BIRC6: variants seen among roughly 807,000 people sequenced by gnomAD.
The protein encoded by BIRC6 is baculoviral IAP repeat containing 6.
A neutral mutation model predicts 503.3 loss-of-function variants in BIRC6; 98 were observed. That is an observed-to-expected ratio of 0.19 (90% CI 0.17 to 0.23). The LOEUF (loss-of-function observed/expected upper bound fraction) is 0.23, where lower values mean the gene tolerates loss of function less well. Among genes scored for constraint, BIRC6 ranks in the 10% least tolerant of loss-of-function variants. BIRC6 has a pLI of 1.00. For synonymous variants in BIRC6, 2,240 were observed against 2,078.7 expected, an observed-to-expected ratio of 1.08 and a Z score of -2.11; for missense variants, 5,360 against 5,806.0, an observed-to-expected ratio of 0.92 and a Z score of 2.50.
In BIRC6 at chr2:32,436,069, A is replaced by G; in HGVS notation, c.3516A>G (p.Pro1172=). The G allele has an allele frequency of 7.0e-7, 1 of 1,430,734 alleles. No homozygotes were observed. Among genetic ancestry groups the G allele is most frequent in the Non-Finnish European group, 9.3e-7 (1 of 1,075,674 alleles). The allele number at this position is 1,430,734 out of a possible 1,614,324, so 88.6% of individuals were successfully genotyped here. The part of the protein sequence containing the change: ...VEESQCLRLC[P]FLEDHKEDIL... ...TCTTTTTAGGTCTTAGATTATGTCC[A>G]TTTTTGGAGGATCATAAAGAAGACA... Residue 1172 remains proline (P), a synonymous_variant, in exon 15 of 74, where the codon CCA becomes CCG. Transcript: ENST00000421745.
At chr2:32,474,724 G>T (rs899235435) in intron 33 of BIRC6, among the ~76,000 whole-genome samples, 2 of 152,100 alleles carry the variant, frequency 1.3e-5, no homozygotes, top group Admixed American at 6.5e-5. Context: ...AATTAAAAAT[G>T]ATTTTTTTCT....
chr2:32,572,273 T>C (rs1230972401), intron 65 of BIRC6, among the ~76,000 whole-genome samples: 1 of 152,236 alleles, frequency 6.6e-6, no homozygotes, highest in East Asian at 1.9e-4. Context: ...ATGTTTTCTT[T>C]GTTAATTTTC....
At chr2:32,375,678 G>C (rs1039066992) in intron 1 of BIRC6, among the ~76,000 whole-genome samples, 1 of 151,846 alleles carries the variant, frequency 6.6e-6, no homozygotes, top group Admixed American at 6.6e-5. Flanking sequence ...TTTGTAAACA[G>C]ATGACATACA....
intron 71 of BIRC6, among the ~76,000 whole-genome samples, chr2:32,604,156 C>G (rs1242535268): frequency 1.3e-5 from 2 of 152,222 alleles, no homozygotes; most frequent in Non-Finnish European, 2.9e-5. Flanking sequence ...TCCTGTAACA[C>G]AAGTAGATCT....
chr2:32,415,629 C>T lies in BIRC6; in HGVS notation c.2338C>T (p.Arg780Trp), dbSNP rs775266879. ...ATTAAACTCTGCACTATGTAATAGA[C>T]GGAAAGGTGAGCTGGAATCAAATCT... ...NKLNSALCNR[R>W]KGELESNLAV... Residue 780 changes from arginine (R) to tryptophan (W), a missense_variant, in exon 10 of 74, where the codon CGG becomes TGG. By Grantham distance (101) the Arg-to-Trp change is moderately radical (BLOSUM62 -3). Coordinates refer to ENST00000421745, the MANE Select transcript of BIRC6 (RefSeq NM_016252.4). 45 of 1,613,864 alleles carry T rather than the reference C, an allele frequency of 2.8e-5. No individual in the cohort carries two copies. The highest frequency in any genetic ancestry group is 1.5e-4 in the Admixed American group (9 of 60,008).
At chr2:32,575,480 C>T in intron 66 of BIRC6, 114 bp downstream of exon 66, 1 of 967,816 alleles carries the variant, frequency 1.0e-6, no homozygotes, top group East Asian at 2.5e-5. Context: ...CATATACACC[C>T]TCGGCTGGGT....
chr2:32,582,584 C>A (rs967068236), intron 66 of BIRC6, among the ~76,000 whole-genome samples: 1 of 152,014 alleles, frequency 6.6e-6, no homozygotes, highest in Non-Finnish European at 1.5e-5. Context: ...GTCAACATGG[C>A]GAAACCCGTC....
At chr2:32,525,380 C>A in intron 58 of BIRC6, 84 bp from the exon 59 acceptor site, 2 of 1,428,128 alleles carry the variant, frequency 1.4e-6, no homozygotes, top group Non-Finnish European at 2.0e-6. Flanking sequence ...GGAATGCATG[C>A]CTTATTAAAA....
At chr2:32,417,135 C>T (rs898912324) in intron 10 of BIRC6, among the ~76,000 whole-genome samples, 3 of 151,996 alleles carry the variant, frequency 2.0e-5, no homozygotes, top group African/African-American at 7.3e-5. Flanking sequence ...CCATGCCAGG[C>T]CTTTTCTTTT....
At chr2:32,454,664 A>G (rs3769598) in intron 23 of BIRC6, among the ~76,000 whole-genome samples, 17,329 of 152,232 alleles carry the variant, frequency 0.11, 1,091 homozygotes, top group Middle Eastern at 0.19. Flanking sequence ...ATTGGGTACC[A>G]TCTTAGTCTC....
In BIRC6 at chr2:32,510,879, C is replaced by A. The variant is rs150789504; in HGVS notation, c.10346+245C>A. 7.4e-3 allele frequency among the ~76,000 whole-genome samples: 1,119 copies of A among 152,178 alleles called. 7 individuals are homozygous for A. The highest frequency in any genetic ancestry group is 0.02 in the Middle Eastern group (6 of 294). On this transcript the variant is annotated intron_variant, in intron 53 of 73. Coordinates refer to ENST00000421745, the MANE Select transcript of BIRC6 (RefSeq NM_016252.4). ...TAAATAGAATTCTTTGTTAATACTG[C>A]TTTTGAGGAATGGAATAAAACATAT...
chr2:32,555,229 G>A (rs1351017188), intron 65 of BIRC6, among the ~76,000 whole-genome samples: 1 of 152,074 alleles, frequency 6.6e-6, no homozygotes, highest in East Asian at 1.9e-4. Flanking sequence ...TAAAGAGTCT[G>A]GGAGCTGTGG....
chr2:32,368,148 C>T (rs978521348), intron 1 of BIRC6, among the ~76,000 whole-genome samples: 2 of 151,976 alleles, frequency 1.3e-5, no homozygotes, highest in Non-Finnish European at 2.9e-5. Context: ...AGTATTCTGA[C>T]TTAAGTGGCC....
At chr2:32,565,157 C>T (rs1007844270) in intron 65 of BIRC6, 3 of 152,164 alleles carry the variant, frequency 2.0e-5, no homozygotes, top group Non-Finnish European at 4.4e-5. Flanking sequence ...ATTGAGTTCT[C>T]ATAAACCAAG....
chr2:32,464,759 C>T lies in BIRC6; in HGVS notation c.5192C>T (p.Ser1731Leu), dbSNP rs1319853732. 6.2e-7 allele frequency: 1 copy of T among 1,613,910 alleles called. No homozygotes were observed. The highest frequency in any genetic ancestry group is 1.7e-5 in the Admixed American group (1 of 60,010). Residue 1731 changes from serine (S) to leucine (L), a missense_variant, in exon 25 of 74, where the codon TCA becomes TTA. Coordinates refer to ENST00000421745, the MANE Select transcript of BIRC6 (RefSeq NM_016252.4). The part of the protein sequence containing the change: ...NAELAQLFPG[S>L]VIDPPAVNLA... ...GAACTTGCACAGCTTTTCCCAGGCT[C>T]AGTCATTGATCCCCCAGCAGTCAAT...
intron 66 of BIRC6, among the ~76,000 whole-genome samples, chr2:32,578,979 A>ATATATATATATATATATATATATATATAT (rs1424095222): frequency 1.5e-4 from 11 of 74,334 alleles, no homozygotes; most frequent in Non-Finnish European, 2.4e-4. Context: ...TTATATACCT[A>ATATATATATATATATATATATATATATAT]ATATATATAT....
chr2:32,385,642 T>A (rs1029628457), intron 3 of BIRC6, among the ~76,000 whole-genome samples: 5 of 152,232 alleles, frequency 3.3e-5, no homozygotes, highest in African/African-American at 1.2e-4. Flanking sequence ...CATCATTATT[T>A]GCTGTGGACT....
intron 36 of BIRC6, 123 bp downstream of exon 36, chr2:32,478,941 G>T (rs747146458): frequency 3.4e-6 from 3 of 886,536 alleles, no homozygotes; most frequent in Non-Finnish European, 5.2e-6. Context: ...ATAAAGGTCT[G>T]TTTAATCGGT....
rs1367101142 is a variant in BIRC6, at chr2:32,453,789, A to G, written c.4619-19A>G. 20 of 1,609,126 alleles carry G rather than the reference A, an allele frequency of 1.2e-5. No individual in the cohort carries two copies. Among genetic ancestry groups the G allele is most frequent in the Non-Finnish European group, 1.6e-5 (19 of 1,178,130 alleles). ...AAAAATTATCTTCACGTGTTATAAA[A>G]CTTGTCTTTTGCCATTAGGAAATGG... On this transcript the variant is annotated intron_variant, in intron 22 of 73. Transcript: ENST00000421745.
Sources: gnomAD v4.1 joint callset for allele counts (sites outside exome capture counted in the v4.1 genomes callset) on GRCh38, gnomAD v4.1.1 for gene constraint, MANE v1.5 for transcripts, NCBI Gene and HGNC (gene_info 2026-07-23, HGNC 2026-07-21) for gene names.